UCK1: variants seen among roughly 807,000 people sequenced by gnomAD.
UCK1 encodes the protein uridine-cytidine kinase 1.
A neutral mutation model predicts 34.0 loss-of-function variants in UCK1; 20 were observed. That is an observed-to-expected ratio of 0.59 (90% CI 0.41 to 0.86). The LOEUF is 0.86. Ranked by LOEUF, UCK1 falls within the 40% of genes least tolerant of loss-of-function variation. The pLI is 0.00. For synonymous variants in UCK1, 168 were observed against 155.9 expected (o/e 1.08, Z -0.58); for missense variants, 343 against 383.6 (o/e 0.89, Z 0.88).
intron 2 of UCK1, 103 bp from the exon 3 acceptor site, chr9:131,529,687 A>G: frequency 9.9e-7 from 1 of 1,009,652 alleles, no homozygotes; most frequent in Non-Finnish European, 1.5e-6. Context: ...TGCTGGGGAC[A>G]CCGAGAACCC....
rs770753621 is a variant in UCK1 at position 131,524,696 on chromosome 9, G to A, written c.*344C>T. On this transcript the variant is annotated 3_prime_UTR_variant, in exon 7 of 7. Transcript: ENST00000372215. ...TGTCAACAAAACATCAGGCCAGCCA[G>A]TGTCTAGGCTGTCTCCTCAATTTCC... 9.3e-5 allele frequency: 22 copies of A among 237,270 alleles called. No homozygotes were observed. The highest frequency in any genetic ancestry group is 1.7e-4 in the Non-Finnish European group (21 of 123,296). 14.7% of individuals were successfully genotyped at this position (237,270 alleles called of 1,614,324 possible). A position where few individuals can be genotyped will look rare whatever the true frequency, so the allele number is the denominator to read the frequency against.
At chr9:131,526,005 G>A in intron 5 of UCK1, 28 bp from the exon 6 acceptor site, 6 of 1,613,706 alleles carry the variant, frequency 3.7e-6, no homozygotes, top group Middle Eastern at 3.3e-4. Context: ...GGGTGTTCCT[G>A]TGAGGACTTT....
intron 5 of UCK1, among the ~76,000 whole-genome samples, chr9:131,527,089 G>A (rs1950635456): frequency 6.6e-6 from 1 of 151,892 alleles, no homozygotes; most frequent in Admixed American, 6.6e-5. Context: ...AGGCTGAGGT[G>A]GGTGGACTGC....
intron 6 of UCK1, 46 bp downstream of exon 6, chr9:131,525,883 A>G (rs1950585858): frequency 6.2e-7 from 1 of 1,602,276 alleles, no homozygotes; most frequent in Non-Finnish European, 8.5e-7. Context: ...CCCTGCCTCA[A>G]GCTCTGGGAG....
chr9:131,528,913 A>G, intron 5 of UCK1, 31 bp downstream of exon 5: 2 of 1,611,936 alleles, frequency 1.2e-6, no homozygotes, highest in South Asian at 2.2e-5. Context: ...TGAAAGGGGA[A>G]AATGGGCTCT....
chr9:131,526,555 G>C, intron 5 of UCK1: 1 of 1,281,460 alleles, frequency 7.8e-7, no homozygotes, highest in Non-Finnish European at 1.0e-6. Flanking sequence ...AGGGCTGCTG[G>C]GGAGGGTCCG....
chr9:131,530,789 A>C (rs1038286767), intron 1 of UCK1, 144 bp from the exon 2 acceptor site: 6 of 1,462,712 alleles, frequency 4.1e-6, no homozygotes, highest in Non-Finnish European at 5.6e-6. Context: ...GGATGGTCTC[A>C]GCGGAAGGGC....
intron 1 of UCK1, 182 bp from the exon 2 acceptor site, chr9:131,530,827 A>C: frequency 8.5e-7 from 1 of 1,170,882 alleles, no homozygotes; most frequent in South Asian, 1.4e-5. Context: ...GTTAGCACGG[A>C]CTTGGGGCTC....
At chr9:131,525,307 G>T (rs980735229) in intron 6 of UCK1, 86 bp from the exon 7 acceptor site, 4 of 1,561,570 alleles carry the variant, frequency 2.6e-6, no homozygotes, top group Non-Finnish European at 3.5e-6. Context: ...GGCCAGGAGT[G>T]AGCGCCCAAC....
At position 131,527,055 on chromosome 9, in the gene UCK1, C is replaced by T. The variant is rs150112044; in HGVS notation, c.604-1078G>A. 3.2e-3 allele frequency among the ~76,000 whole-genome samples: 491 copies of T among 151,564 alleles called. 2 individuals are homozygous for T. The highest frequency in any genetic ancestry group is 0.011 in the African/African-American group (448 of 41,268). On this transcript the variant is annotated intron_variant, in intron 5 of 6. Transcript: ENST00000372215. ...GGCTGGGGCCGGGTGCGGTGGCTCA[C>T]GCCGGTGATCCCAGCACTTTGGGAG...
rs989100135 is a variant in UCK1 at position 131,526,398 on chromosome 9, G to A, written c.604-421C>T. ...ACCCTGGCACAGCAACAGGACAGCC[G>A]CCGCCGTGCATAATTACTGCAGGCA... On this transcript the variant is annotated intron_variant, in intron 5 of 6. Coordinates refer to ENST00000372215, the MANE Select transcript of UCK1 (RefSeq NM_031432.5). 1.3e-5 allele frequency: 17 copies of A among 1,290,630 alleles called. No individual in the cohort carries two copies. The African/African-American group carries it at 1.7e-4, about 13-fold the overall frequency. 79.9% of individuals were successfully genotyped at this position (1,290,630 alleles called of 1,614,324 possible).
intron 5 of UCK1, among the ~76,000 whole-genome samples, chr9:131,528,153 G>A (rs1451348920): frequency 7.7e-5 from 10 of 129,730 alleles, no homozygotes; most frequent in Non-Finnish European, 1.1e-4. Flanking sequence ...CACCCTAGAC[G>A]ACAAAAAGAG....
chr9:131,528,779 T>C, intron 5 of UCK1, 165 bp downstream of exon 5: 2 of 789,872 alleles, frequency 2.5e-6, no homozygotes, highest in East Asian at 5.4e-5. Context: ...AGAATGTTTT[T>C]ACAGCTGAGA....
At position 131,530,572 on chromosome 9, in the gene UCK1, A is replaced by T; in HGVS notation, c.182T>A (p.Ile61Asn). 6.2e-7 allele frequency: 1 copy of T among 1,614,194 alleles called. No individual in the cohort carries two copies. The highest frequency in any genetic ancestry group is 1.3e-5 in the African/African-American group (1 of 75,052). The change falls in exon 2 of 7, where the codon ATC becomes AAC. Residue 61 changes from isoleucine (I) to asparagine (N), a missense_variant. Ile to Asn is a moderately radical substitution (Grantham distance 149, BLOSUM62 -3). Transcript: ENST00000372215. ...CTTGTAGAACCTGTCCTGGCTCAGG[A>T]TGACCACCTTCCGCTGCCGCTGTTC... The part of the protein sequence containing the change: ...EVEQRQRKVV[I>N]LSQDRFYKVL...
At chr9:131,525,451 G>A (rs1326669987) in intron 6 of UCK1, among the ~76,000 whole-genome samples, 1 of 152,206 alleles carries the variant, frequency 6.6e-6, no homozygotes, top group Non-Finnish European at 1.5e-5. Flanking sequence ...TCTGCTTAAA[G>A]TACTTTCTGC....
intron 6 of UCK1, 101 bp from the exon 7 acceptor site, chr9:131,525,322 G>T: frequency 6.8e-7 from 1 of 1,465,422 alleles, no homozygotes; most frequent in African/African-American, 1.4e-5. Flanking sequence ...CCCAACCTCT[G>T]CCCTGAGGCA....
rs1159503859 is a variant in UCK1 at position 131,531,211 on chromosome 9, C to G, written c.-37G>C. ...CTCCCGCGCATCGGGTCCCCGCGCCCGCCCCTTCCCCAGGCCCGGCGCGCC... is the reference window on the plus strand; with the variant it reads ...CTCCCGCGCATCGGGTCCCCGCGCCGGCCCCTTCCCCAGGCCCGGCGCGCC... On this transcript the variant is annotated 5_prime_UTR_variant, in exon 1 of 7. Transcript: ENST00000372215. 4 of 1,355,272 alleles carry G rather than the reference C, an allele frequency of 3.0e-6. No homozygotes were observed. The highest frequency in any genetic ancestry group is 3.8e-6 in the Non-Finnish European group (4 of 1,053,912). 84.0% of individuals were successfully genotyped at this position (1,355,272 alleles called of 1,614,324 possible). A position where few individuals can be genotyped will look rare whatever the true frequency, so the allele number is the denominator to read the frequency against.
intron 5 of UCK1, among the ~76,000 whole-genome samples, chr9:131,527,044 G>A (rs1236509878): frequency 6.6e-6 from 1 of 152,092 alleles, no homozygotes; most frequent in East Asian, 1.9e-4. Context: ...GGGGCCGGGT[G>A]CGGTGGCTCA....
rs1220579745 is a variant in UCK1, at chr9:131,524,663, G to GGGTT, written c.*373_*376dup. On this transcript the variant is annotated 3_prime_UTR_variant, in exon 7 of 7. Coordinates refer to ENST00000372215, the MANE Select transcript of UCK1 (RefSeq NM_031432.5). Reference sequence around the variant, plus strand: ...ACTGGAAAAAACTCTCTCCCACTGTGGGTTCACTGTCAACAAAACATCAGG... The same window carrying GGGTT: ...ACTGGAAAAAACTCTCTCCCACTGTGGGTTGGTTCACTGTCAACAAAACATCAGG... 1 of 198,194 alleles carries GGGTT rather than the reference G, an allele frequency of 5.0e-6. No homozygotes were observed. The highest frequency in any genetic ancestry group is 1.0e-5 in the Non-Finnish European group (1 of 98,912). 12.3% of individuals were successfully genotyped at this position (198,194 alleles called of 1,614,324 possible).
Sources: gnomAD v4.1 joint callset for allele counts (sites outside exome capture counted in the v4.1 genomes callset) on GRCh38, gnomAD v4.1.1 for gene constraint, MANE v1.5 for transcripts, NCBI Gene and HGNC (gene_info 2026-07-23, HGNC 2026-07-21) for gene names.